The following HECW1 variants were observed in gnomAD, a reference collection of about 807,000 sequenced individuals.
HECW1 encodes the protein HECT, C2 and WW domain containing E3 ubiquitin protein ligase 1.
HECW1 carries 61 observed loss-of-function variants against 182.3 expected under a neutral mutation model. The observed-to-expected ratio is 0.33, with a 90% CI of 0.27 to 0.41. The LOEUF is 0.41. Among genes scored for constraint, HECW1 ranks in the 10% least tolerant of loss-of-function variants. The pLI is 1.00. For missense variants in HECW1, 1,739 were observed against 2,108.9 expected, an observed-to-expected ratio of 0.82 and a Z score of 3.44; for synonymous variants, 859 against 832.6, an observed-to-expected ratio of 1.03 and a Z score of -0.55.
chr7:43,344,474 A>G (rs1473922586), intron 5 of HECW1, among the ~76,000 whole-genome samples: 1 of 146,664 alleles, frequency 6.8e-6, no homozygotes. Context: ...TTTGAAGGTA[A>G]GCTAGCTTTT....
intron 2 of HECW1, among the ~76,000 whole-genome samples, chr7:43,169,140 A>G (rs757752988): frequency 1.9e-4 from 29 of 152,242 alleles, no homozygotes; most frequent in Non-Finnish European, 4.0e-4. Context: ...ACAAGGGATC[A>G]TATGCTATTC....
At chr7:43,376,530 A>G (rs7811003) in intron 6 of HECW1, among the ~76,000 whole-genome samples, 90,376 of 151,924 alleles carry the variant, frequency 0.59, 27,229 homozygotes, top group African/African-American at 0.68. Flanking sequence ...ATGGCCTCTC[A>G]ATAAAAACTC....
chr7:43,546,431 A>G (rs1339003026), intron 26 of HECW1, among the ~76,000 whole-genome samples: 3 of 151,758 alleles, frequency 2.0e-5, no homozygotes, highest in Non-Finnish European at 4.4e-5. Context: ...TGTTCTCTCT[A>G]TTGAAGTCAT....
At chr7:43,246,162 G>A (rs542931986) in intron 3 of HECW1, among the ~76,000 whole-genome samples, 2 of 152,080 alleles carry the variant, frequency 1.3e-5, no homozygotes, top group African/African-American at 4.8e-5. Context: ...AATTAGCTGG[G>A]CATGATGGTG....
chr7:43,146,142 A>G (rs756583098), intron 2 of HECW1, among the ~76,000 whole-genome samples: 1 of 152,168 alleles, frequency 6.6e-6, no homozygotes, highest in Non-Finnish European at 1.5e-5. Flanking sequence ...TCTTGCTTCC[A>G]ATTTTGCTTT....
chr7:43,534,020 G>C lies in HECW1; in HGVS notation c.4020-7143G>C, dbSNP rs184740034. Among the ~76,000 whole-genome samples the C allele has an allele frequency of 1.3e-3, 196 of 152,270 alleles. 2 individuals carry two copies. Among genetic ancestry groups the C allele is most frequent in the Admixed American group, 6.1e-3 (93 of 15,296 alleles). On this transcript the variant is annotated intron_variant, in intron 24 of 29. Transcript: ENST00000395891. ...CTTGAATCAATCCTTAGCAGCCCAA[G>C]TTTAATGCCGGGAAATCAAACTGCC...
chr7:43,453,837 C>T (rs891210164), intron 12 of HECW1, among the ~76,000 whole-genome samples: 1 of 152,168 alleles, frequency 6.6e-6, no homozygotes, highest in African/African-American at 2.4e-5. Flanking sequence ...GTGCTGAGCC[C>T]TTCAAGTCAT....
chr7:43,414,573 TATG>T (rs564104259), intron 8 of HECW1, among the ~76,000 whole-genome samples: 3,605 of 151,704 alleles, frequency 0.024, 146 homozygotes, highest in African/African-American at 0.084. Context: ...GCCCATTCAG[TATG>T]ATATTGGCTG....
At chr7:43,135,722 A>T (rs1787451558) in intron 2 of HECW1, among the ~76,000 whole-genome samples, 1 of 152,128 alleles carries the variant, frequency 6.6e-6, no homozygotes, top group Non-Finnish European at 1.5e-5. Context: ...GATACCTCTG[A>T]TTTGAATTTT....
rs1232475421 is a variant in HECW1, at chr7:43,113,982, G to T, written c.-266-175G>T. ...GCTGCAGAGATGCCCGGCTTCCTGTGGTTCCGGGCACAGCGCGCCTCAGTC... is the reference window on the plus strand; with the variant it reads ...GCTGCAGAGATGCCCGGCTTCCTGTTGTTCCGGGCACAGCGCGCCTCAGTC... On this transcript the variant is annotated intron_variant, in intron 1 of 29. Transcript: ENST00000395891. 9.5e-6 allele frequency: 3 copies of T among 317,032 alleles called. No individual in the cohort carries two copies. The South Asian group carries it at 1.4e-4, about 15-fold the overall frequency. 19.6% of individuals were successfully genotyped at this position (317,032 alleles called of 1,614,324 possible).
chr7:43,520,554 CATTCATGATTT>C (rs2080417583), intron 24 of HECW1, among the ~76,000 whole-genome samples: 1 of 152,160 alleles, frequency 6.6e-6, no homozygotes, highest in South Asian at 2.1e-4. Flanking sequence ...CTGTGTAGTT[CATTCATGATTT>C]CTTCATGATT....
chr7:43,366,647 C>T (rs1816689511), intron 6 of HECW1, among the ~76,000 whole-genome samples: 1 of 152,162 alleles, frequency 6.6e-6, no homozygotes, highest in Admixed American at 6.5e-5. Flanking sequence ...TTGTGCTTGG[C>T]AGAGATTAAA....
chr7:43,162,768 C>T (rs180737475), intron 2 of HECW1, among the ~76,000 whole-genome samples: 1 of 152,272 alleles, frequency 6.6e-6, no homozygotes, highest in African/African-American at 2.4e-5. Flanking sequence ...ACAAAGCTCC[C>T]ATACTACTGT....
At chr7:43,546,187 A>G (rs2081551882) in intron 26 of HECW1, among the ~76,000 whole-genome samples, 1 of 147,474 alleles carries the variant, frequency 6.8e-6, no homozygotes, top group African/African-American at 2.5e-5. Flanking sequence ...AATTTCTCCA[A>G]GATCTATATC....
chr7:43,329,469 C>G (rs979727195), intron 5 of HECW1, among the ~76,000 whole-genome samples: 2 of 151,694 alleles, frequency 1.3e-5, no homozygotes, highest in Non-Finnish European at 2.9e-5. Context: ...CAAAGAACAC[C>G]TGGAATGAGA....
At chr7:43,517,150 A>G (rs947327998) in intron 24 of HECW1, among the ~76,000 whole-genome samples, 2 of 152,162 alleles carry the variant, frequency 1.3e-5, no homozygotes, top group Admixed American at 1.3e-4. Flanking sequence ...TCAGGGCCAG[A>G]TTTCAGATTT....
chr7:43,254,799 C>T (rs780178810), intron 3 of HECW1, among the ~76,000 whole-genome samples: 1 of 152,208 alleles, frequency 6.6e-6, no homozygotes, highest in Non-Finnish European at 1.5e-5. Flanking sequence ...CTTTTGAAAA[C>T]CACAGAACCA....
chr7:43,335,328 G>A (rs1206937647), intron 5 of HECW1, among the ~76,000 whole-genome samples: 1 of 152,308 alleles, frequency 6.6e-6, no homozygotes, highest in South Asian at 2.1e-4. Flanking sequence ...AAGTCTAGCT[G>A]CTTGACACAT....
Position 43,541,987 on chromosome 7 carries a change from G to A in HECW1, c.4237G>A (p.Val1413Ile). Residue 1413 changes from valine (V) to isoleucine (I), a missense_variant, in exon 26 of 30, where the codon GTT (valine) becomes ATT (isoleucine). Val to Ile is a conservative substitution (Grantham distance 29). Around this residue, in one of 5 missense-constraint regions of HECW1, gnomAD observed 420 missense variants for 595.7 expected, o/e 0.71. Transcript: ENST00000395891. Reference protein sequence around the residue: ...LDLTFTVNEEVFGQVTERELK... With the variant: ...LDLTFTVNEEIFGQVTERELK... The stretch of plus-strand genomic sequence containing the variant: ...CCTCACTTTCACTGTTAATGAAGAG[G>A]TTTTTGGACAGGTTTGTGTGACATG... 1 of 1,528,630 alleles carries A rather than the reference G, an allele frequency of 6.5e-7. No homozygotes were observed. 94.7% of individuals were successfully genotyped at this position (1,528,630 alleles called of 1,614,324 possible). A position where few individuals can be genotyped will look rare whatever the true frequency, so the allele number is the denominator to read the frequency against.
Sources: allele counts gnomAD v4.1 joint callset (sites outside exome capture counted in the v4.1 genomes callset), GRCh38; gene constraint gnomAD v4.1.1; regional missense constraint gnomAD v4.1.1; transcripts MANE v1.5; gene names NCBI Gene and HGNC (gene_info 2026-07-23, HGNC 2026-07-21).